Variants in MMP16 observed in about 807,000 individuals in gnomAD.
The protein encoded by MMP16 is matrix metallopeptidase 16.
MMP16 carries 12 observed loss-of-function variants against 67.8 expected under a neutral mutation model. That is an observed-to-expected ratio of 0.18 (90% CI 0.11 to 0.29). The LOEUF is 0.29. Ranked by LOEUF, MMP16 falls within the 10% of genes least tolerant of loss-of-function variation. The pLI is 1.00. For missense variants in MMP16, 475 were observed against 765.7 expected (o/e 0.62, Z 4.48); for synonymous variants, 249 against 255.9 (o/e 0.97, Z 0.26).
At chr8:88,325,861 A>G (rs1359027840) in intron 1 of MMP16, among the ~76,000 whole-genome samples, 1 of 152,164 alleles carries the variant, frequency 6.6e-6, no homozygotes, top group African/African-American at 2.4e-5. Context: ...ATGAAGTCCT[A>G]AGAACAGTTT....
intron 4 of MMP16, among the ~76,000 whole-genome samples, chr8:88,163,174 T>A (rs1020374431): frequency 5.9e-5 from 9 of 152,060 alleles, no homozygotes; most frequent in African/African-American, 2.2e-4. Context: ...CAAATGGACA[T>A]GTCAGTTACA....
At chr8:88,215,448 T>G (rs944657671) in intron 1 of MMP16, among the ~76,000 whole-genome samples, 4 of 152,208 alleles carry the variant, frequency 2.6e-5, no homozygotes, top group African/African-American at 9.6e-5. Flanking sequence ...CTCTATGGAC[T>G]GTACTACCCA....
intron 1 of MMP16, among the ~76,000 whole-genome samples, chr8:88,321,852 A>C (rs1811464530): frequency 1.3e-5 from 2 of 152,180 alleles, no homozygotes; most frequent in Admixed American, 1.3e-4. Flanking sequence ...GTTCAAAGCC[A>C]GGTTAGCAAA....
intron 1 of MMP16, among the ~76,000 whole-genome samples, chr8:88,251,431 G>T (rs1451902802): frequency 1.4e-5 from 2 of 146,544 alleles, no homozygotes; most frequent in Non-Finnish European, 3.0e-5. Flanking sequence ...GCGAAAACTG[G>T]CTAGCCATAT....
intron 1 of MMP16, among the ~76,000 whole-genome samples, chr8:88,275,511 A>G (rs1722592311): frequency 6.6e-6 from 1 of 151,984 alleles, no homozygotes; most frequent in Admixed American, 6.6e-5. Context: ...ATATTAAAAT[A>G]TCAGAATTGG....
chr8:88,059,998 G>C (rs77496434), intron 7 of MMP16, among the ~76,000 whole-genome samples: 3 of 149,652 alleles, frequency 2.0e-5, no homozygotes, highest in Non-Finnish European at 3.0e-5. Context: ...AAAAAAAAAA[G>C]TGATACAAGG....
chr8:88,155,662 T>C (rs1229905822), intron 4 of MMP16, among the ~76,000 whole-genome samples: 1 of 152,168 alleles, frequency 6.6e-6, no homozygotes, highest in Non-Finnish European at 1.5e-5. Flanking sequence ...GGCTTTCATA[T>C]CATTTTATCT....
chr8:88,183,945 C>T (rs1362842287), intron 3 of MMP16, among the ~76,000 whole-genome samples: 2 of 151,604 alleles, frequency 1.3e-5, no homozygotes, highest in Non-Finnish European at 2.9e-5. Flanking sequence ...AGGGTTTCTC[C>T]ATGTTGGCCA....
intron 3 of MMP16, among the ~76,000 whole-genome samples, chr8:88,174,912 C>T (rs1586189347): frequency 6.6e-6 from 1 of 152,164 alleles, no homozygotes. Context: ...CGCCACCACG[C>T]CCAGCTAATT....
At position 88,033,623 on chromosome 8, in the gene MMP16, C is replaced by A. The variant is rs1586113785; in HGVS notation, c.*7838G>T. Reference sequence around the variant, plus strand: ...GAACTAGTAAACTCCATTTATTTCCCTCCTATAATATAAAAACAAGATCTA... The same window carrying A: ...GAACTAGTAAACTCCATTTATTTCCATCCTATAATATAAAAACAAGATCTA... On this transcript the variant is annotated 3_prime_UTR_variant, in exon 10 of 10. Transcript: ENST00000286614. 6.6e-6 allele frequency: 1 copy of A among 151,834 alleles called. No homozygotes were observed. Among genetic ancestry groups the A allele is most frequent in the East Asian group, 1.9e-4 (1 of 5,166 alleles). The allele number at this position is 151,834 out of a possible 1,614,324, so 9.4% of individuals were successfully genotyped here.
intron 8 of MMP16, among the ~76,000 whole-genome samples, chr8:88,049,786 G>A (rs1808246453): frequency 6.6e-6 from 1 of 152,158 alleles, no homozygotes; most frequent in Non-Finnish European, 1.5e-5. Flanking sequence ...CACTTTGGGA[G>A]GCCAAGATGG....
chr8:88,082,497 G>T (rs1025411426), intron 6 of MMP16, among the ~76,000 whole-genome samples: 1 of 152,014 alleles, frequency 6.6e-6, no homozygotes, highest in Non-Finnish European at 1.5e-5. Flanking sequence ...TACTATAATA[G>T]AAGTAAATTT....
intron 1 of MMP16, among the ~76,000 whole-genome samples, chr8:88,263,717 G>T (rs1810425928): frequency 6.6e-6 from 1 of 152,014 alleles, no homozygotes; most frequent in African/African-American, 2.4e-5. Context: ...AGTCATATTG[G>T]ATTAGGCTCA....
At chr8:88,189,646 G>T (rs549976198) in intron 2 of MMP16, among the ~76,000 whole-genome samples, 2 of 152,144 alleles carry the variant, frequency 1.3e-5, no homozygotes, top group Non-Finnish European at 2.9e-5. Flanking sequence ...TACCTAGTGA[G>T]GGTGTCCCCT....
chr8:88,090,481 T>C (rs1380204771), intron 6 of MMP16, among the ~76,000 whole-genome samples: 1 of 151,898 alleles, frequency 6.6e-6, no homozygotes, highest in Non-Finnish European at 1.5e-5. Context: ...TATTTTTGTG[T>C]TGAGCTACAA....
At chr8:88,181,770 A>C (rs1808983694) in intron 3 of MMP16, among the ~76,000 whole-genome samples, 2 of 152,022 alleles carry the variant, frequency 1.3e-5, no homozygotes, top group Admixed American at 1.3e-4. Flanking sequence ...AGTAAGACTT[A>C]CTATAAAATC....
chr8:88,092,140 A>C (rs545668485), intron 6 of MMP16, among the ~76,000 whole-genome samples: 66 of 151,830 alleles, frequency 4.3e-4, no homozygotes, highest in Non-Finnish European at 8.7e-4. Context: ...ACTGATAAAA[A>C]ATTTGCAGTG....
chr8:88,130,880 G>A (rs1808017117), intron 4 of MMP16, among the ~76,000 whole-genome samples: 1 of 151,492 alleles, frequency 6.6e-6, no homozygotes, highest in African/African-American at 2.4e-5. Context: ...CTTCACTGTA[G>A]TCTTGGAAAT....
intron 4 of MMP16, among the ~76,000 whole-genome samples, chr8:88,163,469 C>A (rs1422636865): frequency 6.6e-6 from 1 of 152,018 alleles, no homozygotes; most frequent in Non-Finnish European, 1.5e-5. Flanking sequence ...TGACAGTAAG[C>A]AGCGTAACTG....
Sources: allele counts gnomAD v4.1 joint callset (sites outside exome capture counted in the v4.1 genomes callset), GRCh38; gene constraint gnomAD v4.1.1; transcripts MANE v1.5; gene names NCBI Gene and HGNC (gene_info 2026-07-23, HGNC 2026-07-21).